The following CHODL variants were observed in gnomAD, a reference collection of about 807,000 sequenced individuals.
CHODL encodes chondrolectin.
CHODL carries 29 observed loss-of-function variants against 34.5 expected under a neutral mutation model. The ratio of observed to expected loss-of-function variants is 0.84; its 90% CI spans 0.63 to 1.15. The LOEUF is 1.15. Ranked by LOEUF, CHODL falls within the 50% of genes most tolerant of loss-of-function variation. CHODL has a pLI of 0.00. For synonymous variants in CHODL, 125 were observed against 116.1 expected (o/e 1.08, Z -0.49); for missense variants, 332 against 332.5 (o/e 1.00, Z 0.01).
chr21:17,959,569 G>T (rs574810158), intron 1 of CHODL, among the ~76,000 whole-genome samples: 5 of 152,154 alleles, frequency 3.3e-5, no homozygotes, highest in African/African-American at 1.2e-4. Flanking sequence ...AAAAGGAAAC[G>T]GGCAGAGAGC....
At chr21:18,128,339 A>G (rs57453692) in intron 2 of CHODL, among the ~76,000 whole-genome samples, 1,237 of 120,908 alleles carry the variant, frequency 0.01, 7 homozygotes, top group Non-Finnish European at 0.014. Flanking sequence ...AAAAAAAAAA[A>G]AAGAAGAAGA....
intron 2 of CHODL, among the ~76,000 whole-genome samples, chr21:18,063,296 G>A (rs898672044): frequency 1.3e-5 from 2 of 152,174 alleles, no homozygotes; most frequent in African/African-American, 2.4e-5. Context: ...AATGCTGGAA[G>A]GTTGTGTCAA....
At chr21:18,027,265 C>A (rs1304906250) in intron 1 of CHODL, among the ~76,000 whole-genome samples, 2 of 152,032 alleles carry the variant, frequency 1.3e-5, no homozygotes, top group African/African-American at 2.4e-5. Context: ...CAGAGTAAGA[C>A]CCTGTCTCTA....
chr21:18,144,152 C>T (rs2072836490), intron 2 of CHODL, among the ~76,000 whole-genome samples: 1 of 152,052 alleles, frequency 6.6e-6, no homozygotes, highest in African/African-American at 2.4e-5. Context: ...CATGTTTATA[C>T]ATAAAGCTTA....
intron 1 of CHODL, among the ~76,000 whole-genome samples, chr21:17,989,234 C>A (rs184685485): frequency 8.3e-4 from 126 of 152,292 alleles, no homozygotes; most frequent in African/African-American, 2.2e-3. Context: ...GGGGGAAGAT[C>A]ACTTACCTGC....
In CHODL at chr21:18,092,320, A is replaced by T. The variant is rs1316184009; in HGVS notation, c.-45+64349A>T. Among the ~76,000 whole-genome samples, 2 of 152,210 alleles carry T rather than the reference A, an allele frequency of 1.3e-5. 1 individual carries two copies. Among genetic ancestry groups the T allele is most frequent in the East Asian group, 3.9e-4 (2 of 5,186 alleles). On this transcript the variant is annotated intron_variant, in intron 2 of 6. Coordinates refer to the CHODL transcript ENST00000400127. ...ACAGCATTATTAGGCTTGGGGCCTA[A>T]GTCCCCTTAAATACTTGGAAAGCCT...
chr21:17,970,258 T>C (rs2063603928), intron 1 of CHODL, among the ~76,000 whole-genome samples: 1 of 152,154 alleles, frequency 6.6e-6, no homozygotes, highest in Admixed American at 6.6e-5. Flanking sequence ...CAAAACTCTA[T>C]TTACATTTCT....
At position 17,920,051 on chromosome 21, in the gene CHODL, T is replaced by C. The variant is rs139012762; in HGVS notation, c.-145+2651T>C. Among the ~76,000 whole-genome samples, 1,208 of 152,272 alleles carry C rather than the reference T, an allele frequency of 7.9e-3. 17 individuals carry two copies. The highest frequency in any genetic ancestry group is 0.027 in the African/African-American group (1,120 of 41,540). ...CATTGTCCATATCATTATCAGCATT[T>C]TATTCAAAGCCATTCAACAAGTCTC... On this transcript the variant is annotated intron_variant, in intron 1 of 6. Transcript: ENST00000400127.
At chr21:18,189,721 G>A (rs1255789057) in intron 2 of CHODL, among the ~76,000 whole-genome samples, 2 of 143,966 alleles carry the variant, frequency 1.4e-5, no homozygotes, top group East Asian at 2.2e-4. Context: ...TGCAACCTCC[G>A]CCTCCCTGGT....
At chr21:18,046,473 A>T (rs2064444961) in intron 2 of CHODL, among the ~76,000 whole-genome samples, 1 of 151,952 alleles carries the variant, frequency 6.6e-6, no homozygotes, top group African/African-American at 2.4e-5. Flanking sequence ...TTAGAATGAC[A>T]GGACCTGGCG....
chr21:18,025,556 A>G (rs1402650602), intron 1 of CHODL, among the ~76,000 whole-genome samples: 1 of 152,144 alleles, frequency 6.6e-6, no homozygotes, highest in Non-Finnish European at 1.5e-5. Flanking sequence ...TACATATTTC[A>G]TAGCATTCTT....
At chr21:18,257,883 C>T (rs1298163677) in intron 3 of CHODL, among the ~76,000 whole-genome samples, 1 of 152,188 alleles carries the variant, frequency 6.6e-6, no homozygotes, top group Non-Finnish European at 1.5e-5. Context: ...AATACAAACT[C>T]TGTGGACTCA....
chr21:18,043,775 G>T (rs1389534830), intron 2 of CHODL, among the ~76,000 whole-genome samples: 2 of 151,904 alleles, frequency 1.3e-5, no homozygotes, highest in Non-Finnish European at 2.9e-5. Flanking sequence ...AATTTATAAA[G>T]AAAAAGAGGT....
intron 2 of CHODL, among the ~76,000 whole-genome samples, chr21:18,213,094 C>G (rs1342806584): frequency 6.6e-6 from 1 of 152,096 alleles, no homozygotes; most frequent in East Asian, 1.9e-4. Context: ...CCAAATCTGA[C>G]ATATGAACAA....
intron 2 of CHODL, among the ~76,000 whole-genome samples, chr21:18,160,540 A>G (rs1014023060): frequency 1.1e-4 from 16 of 151,982 alleles, no homozygotes; most frequent in Non-Finnish European, 2.1e-4. Context: ...TATGTGTCCA[A>G]GTGTTCTCAA....
chr21:18,031,839 A>G (rs1002350493), intron 2 of CHODL, among the ~76,000 whole-genome samples: 2 of 152,178 alleles, frequency 1.3e-5, no homozygotes. Context: ...CTCAGCATCT[A>G]TGAATGAAGA....
chr21:18,148,886 A>C (rs1256059336), intron 2 of CHODL, among the ~76,000 whole-genome samples: 3 of 15,284 alleles, frequency 2.0e-4, no homozygotes, highest in Non-Finnish European at 7.6e-4. Context: ...TTGGCTGTCA[A>C]AAAAAAAAAA....
Position 18,232,961 on chromosome 21 carries a change from ATATATATATATG to A in CHODL, c.-44-23538_-44-23527del, listed in dbSNP as rs201807373. On this transcript the variant is annotated intron_variant, in intron 2 of 6. Coordinates refer to the CHODL transcript ENST00000400127. ...TGTTATGATATATATATATATATATATATATATATATGTATATATATGACCTATCTATCCATC... is the reference window on the plus strand; with the variant it reads ...TGTTATGATATATATATATATATATATATATATATGACCTATCTATCCATC... Among the ~76,000 whole-genome samples, 1,137 of 144,118 alleles carry A rather than the reference ATATATATATATG, an allele frequency of 7.9e-3. 23 individuals are homozygous for A. Among genetic ancestry groups the A allele is most frequent in the African/African-American group, 0.028 (1,075 of 37,968 alleles). The allele number at this position is 144,118 out of a possible 152,430, so 94.5% of individuals were successfully genotyped here. A position where few individuals can be genotyped will look rare whatever the true frequency, so the allele number is the denominator to read the frequency against.
chr21:17,960,863 T>C (rs2063527085), intron 1 of CHODL, among the ~76,000 whole-genome samples: 1 of 152,174 alleles, frequency 6.6e-6, no homozygotes, highest in Non-Finnish European at 1.5e-5. Flanking sequence ...CCACATTCAA[T>C]TAGTCTTCAA....
Sources: gnomAD v4.1 joint callset for allele counts (sites outside exome capture counted in the v4.1 genomes callset) on GRCh38, gnomAD v4.1.1 for gene constraint, MANE v1.5 for transcripts, NCBI Gene and HGNC (gene_info 2026-07-23, HGNC 2026-07-21) for gene names.